Variants in COL20A1 observed in about 807,000 individuals in gnomAD.
The protein encoded by COL20A1 is collagen type XX alpha 1 chain, also known as collagen alpha-1(XX) chain.
A neutral mutation model predicts 152.9 loss-of-function variants in COL20A1; 164 were observed. The observed-to-expected ratio is 1.07, with a 90% CI of 0.94 to 1.22. The LOEUF (loss-of-function observed/expected upper bound fraction) is 1.22, where lower values mean the gene tolerates loss of function less well. COL20A1 is among the 50% of genes most tolerant of loss of function. The pLI is 0.00. For missense variants in COL20A1, 1,873 were observed against 1,744.8 expected (o/e 1.07, Z -1.31); for synonymous variants, 864 against 756.0 (o/e 1.14, Z -2.34).
intron 5 of COL20A1, 102 bp from the exon 6 acceptor site, chr20:63,307,388 G>T: frequency 8.6e-7 from 1 of 1,162,796 alleles, no homozygotes; most frequent in Non-Finnish European, 1.2e-6. Flanking sequence ...ACCTGGCCCA[G>T]CCTGCCTCAC....
chr20:63,312,778 T>G lies in COL20A1; in HGVS notation c.1934-14T>G, dbSNP rs868760401. On this transcript the variant is annotated splice_polypyrimidine_tract_variant and intron_variant, in intron 15 of 35. Transcript: ENST00000358894. ...AGGGGCTACACCCCCAGCCTGTGTC[T>G]CCACTTCCTTCAGAGAAAGCTCCCA... The G allele has an allele frequency of 6.5e-7, 1 of 1,537,066 alleles. No individual in the cohort carries two copies. Among genetic ancestry groups the G allele is most frequent in the Non-Finnish European group, 8.8e-7 (1 of 1,135,366 alleles).
Position 63,314,134 on chromosome 20 carries a change from C to G in COL20A1, c.2421C>G (p.Tyr807Ter). 1 of 1,609,522 alleles carries G rather than the reference C, an allele frequency of 6.2e-7. No homozygotes were observed. The highest frequency in any genetic ancestry group is 8.5e-7 in the Non-Finnish European group (1 of 1,178,316). ...CCGACCTGCAGGCAGCCACGAAGTACAGGGTCCTGGTCTCAGCTATCTATG... is the reference window on the plus strand; with the variant it reads ...CCGACCTGCAGGCAGCCACGAAGTAGAGGGTCCTGGTCTCAGCTATCTATG... ...TLPDLQAATK[Y>*]RVLVSAIYAA... Residue 807 changes from tyrosine (Y) to a stop codon, truncating the protein, a stop_gained, in exon 19 of 36, where the codon TAC becomes TAG. Transcript: ENST00000358894. LOFTEE classifies it high-confidence loss of function.
In COL20A1 at chr20:63,326,171, C is replaced by T. The variant is rs538493924; in HGVS notation, c.3456+22C>T. The T allele has an allele frequency of 5.6e-6, 9 of 1,593,992 alleles. No homozygotes were observed. The African/African-American group carries it at 6.7e-5, about 12-fold the overall frequency. ...CAGGGTAGGCACCGACCTCCCATGA[C>T]CCCGACCCCCACCCAGGGTTCCTGT... is the stretch of plus-strand genomic sequence containing the variant. On this transcript the variant is annotated intron_variant, in intron 30 of 35. Transcript: ENST00000358894.
intron 10 of COL20A1, 35 bp from the exon 11 acceptor site, chr20:63,310,346 C>G (rs367857090): frequency 5.6e-6 from 9 of 1,607,258 alleles, no homozygotes; most frequent in Non-Finnish European, 7.6e-6. Flanking sequence ...CCGGCACCCC[C>G]CTTCCTGGCT....
Position 63,333,090 on chromosome 20 carries a change from T to C in COL20A1, c.*2374T>C, listed in dbSNP as rs1008867309. 8 of 152,002 alleles carry C rather than the reference T, an allele frequency of 5.3e-5. No homozygotes were observed. The highest frequency in any genetic ancestry group is 8.8e-5 in the Non-Finnish European group (6 of 68,062). The allele number at this position is 152,002 out of a possible 1,614,324, so 9.4% of individuals were successfully genotyped here. On this transcript the variant is annotated 3_prime_UTR_variant, in exon 36 of 36. Transcript: ENST00000358894. ...GGCCAGAGCGCTGGGTTTCTGGCAA[T>C]GCCTCCCCTCCTGCCTTTACGGCCA... is the stretch of plus-strand genomic sequence containing the variant.
rs775020426 is a variant in COL20A1, at chr20:63,321,094, C to A, written c.3235C>A (p.Pro1079Thr). The part of the protein sequence containing the change: ...ETPGPPGPQG[P>T]PGLPGRNGTP... ...CCCTGGGCCCCCAGGACCTCAAGGA[C>A]CCCCAGTGAGTCCAGTGGCGTCTCC... The change falls in exon 26 of 36, where the codon CCC (proline) becomes ACC (threonine). Residue 1079 changes from proline (P) to threonine (T), a missense_variant. By Grantham distance (38) the Pro-to-Thr change is conservative (BLOSUM62 -1). Coordinates refer to ENST00000358894, the MANE Select transcript of COL20A1 (RefSeq NM_020882.4). The A allele has an allele frequency of 6.9e-6, 11 of 1,593,162 alleles. No individual in the cohort carries two copies. In the Admixed American group the frequency reaches 1.4e-4, roughly 20 times the overall value.
rs2068040556 is a variant in COL20A1, at chr20:63,313,303, G to A, written c.2209+54G>A. The A allele has an allele frequency of 6.4e-6, 10 of 1,556,126 alleles. No homozygotes were observed. In the South Asian group the frequency reaches 1.1e-4, roughly 17 times the overall value. On this transcript the variant is annotated intron_variant, in intron 17 of 35. Coordinates refer to ENST00000358894, the MANE Select transcript of COL20A1 (RefSeq NM_020882.4). The surrounding 1 kb of genome is among the most constrained non-coding windows in gnomAD (Gnocchi z 5.9). ...GGGTGTGGGGCAGGGATGGCCCAGGGGATCCCTGACTCACCCGCTGCACAG... is the reference window on the plus strand; with the variant it reads ...GGGTGTGGGGCAGGGATGGCCCAGGAGATCCCTGACTCACCCGCTGCACAG...
At position 63,311,681 on chromosome 20, in the gene COL20A1, T is replaced by C. The variant is rs773653805; in HGVS notation, c.1596T>C (p.Tyr532=). The C allele has an allele frequency of 1.9e-6, 3 of 1,608,000 alleles. No individual in the cohort carries two copies. In the East Asian group the frequency reaches 6.7e-5, roughly 36 times the overall value. ...LLDGLEPGRD[Y]EVSVQSLRGP... is the part of the protein sequence containing the mutation. ...ATGGCCTGGAACCTGGCAGGGACTA[T>C]GAGGTCTCGGTGCAGAGCCTGCGAG... The change falls in exon 13 of 36, where the codon TAT becomes TAC. Residue 532 remains tyrosine, a synonymous_variant. Coordinates refer to ENST00000358894, the MANE Select transcript of COL20A1 (RefSeq NM_020882.4). This position sits in a 1 kb window ranked among gnomAD's most constrained non-coding sequence, Gnocchi z 4.4.
At chr20:63,297,372 C>T (rs536687582) in intron 2 of COL20A1, among the ~76,000 whole-genome samples, 6 of 148,148 alleles carry the variant, frequency 4.1e-5, no homozygotes, top group African/African-American at 1.5e-4. Context: ...TCAGGGGACT[C>T]AGCTCAGGGG....
In COL20A1 at chr20:63,308,538, C is replaced by G; in HGVS notation, c.776-4C>G. 6.3e-7 allele frequency: 1 copy of G among 1,583,854 alleles called. No homozygotes were observed. Among genetic ancestry groups the G allele is most frequent in the South Asian group, 1.2e-5 (1 of 86,832 alleles). ...CCTGTCACTTTATTCCTGCTGCTCC[C>G]AAGGCCTTGCCCTGACCCACGTGCT... is the stretch of plus-strand genomic sequence containing the variant. On this transcript the variant is annotated splice_polypyrimidine_tract_variant and splice_region_variant and intron_variant, in intron 7 of 35. Transcript: ENST00000358894.
Position 63,309,483 on chromosome 20 carries a change from C to A in COL20A1, c.1091C>A (p.Pro364Gln). 6.6e-7 allele frequency: 1 copy of A among 1,522,566 alleles called. No homozygotes were observed. The highest frequency in any genetic ancestry group is 2.5e-5 in the East Asian group (1 of 39,940). 94.3% of individuals were successfully genotyped at this position (1,522,566 alleles called of 1,614,324 possible). A position where few individuals can be genotyped will look rare whatever the true frequency, so the allele number is the denominator to read the frequency against. The change falls in exon 9 of 36, where the codon CCG becomes CAG. Residue 364 changes from proline (P) to glutamine (Q), a missense_variant. Pro to Gln is a moderately conservative substitution (Grantham distance 76). Coordinates refer to ENST00000358894, the MANE Select transcript of COL20A1 (RefSeq NM_020882.4). ...LICQRLQGGS[P>Q]RQGPAAAPAL... ...TGCCAGAGGCTCCAGGGTGGGAGCCCGCGGCAGGGCCCAGGTGAGGGGCAG... is the reference window on the plus strand; with the variant it reads ...TGCCAGAGGCTCCAGGGTGGGAGCCAGCGGCAGGGCCCAGGTGAGGGGCAG...
Position 63,316,678 on chromosome 20 carries a change from A to G in COL20A1, c.2650A>G (p.Thr884Ala). The G allele has an allele frequency of 6.4e-7, 1 of 1,567,276 alleles. No individual in the cohort carries two copies. The highest frequency in any genetic ancestry group is 8.6e-7 in the Non-Finnish European group (1 of 1,157,336). Residue 884 changes from threonine to alanine, a missense_variant, in exon 21 of 36, where the codon ACA becomes GCA. Coordinates refer to ENST00000358894, the MANE Select transcript of COL20A1 (RefSeq NM_020882.4). ...TFTLFKDAQL[T>A]RRVSDVYPAP... ...CACGCTCTTCAAGGACGCCCAGCTG[A>G]CAAGACGGGTCAGGTGTGAGGGCAA...
chr20:63,293,479 G>A (rs570545336), intron 1 of COL20A1, among the ~76,000 whole-genome samples: 61 of 152,328 alleles, frequency 4.0e-4, no homozygotes, highest in African/African-American at 1.4e-3. Flanking sequence ...GGCTGCCTGA[G>A]CTCTCACCAA....
chr20:63,325,227 A>C (rs1240199971), intron 27 of COL20A1: 1 of 689,968 alleles, frequency 1.4e-6, no homozygotes, highest in Non-Finnish European at 2.7e-6. Flanking sequence ...AGGGGTGGCA[A>C]GCGTGACCTT....
chr20:63,318,697 C>G (rs1200041670), intron 21 of COL20A1, among the ~76,000 whole-genome samples: 1 of 152,148 alleles, frequency 6.6e-6, no homozygotes, highest in East Asian at 1.9e-4. Flanking sequence ...GGGATGTGAC[C>G]TGGGATGGCC....
At chr20:63,295,755 C>T (rs981844018) in intron 2 of COL20A1, among the ~76,000 whole-genome samples, 4 of 152,262 alleles carry the variant, frequency 2.6e-5, no homozygotes. Flanking sequence ...GTGGGCTCAC[C>T]TGTCTGAGCA....
rs376722969 is a variant in COL20A1 at position 63,305,932 on chromosome 20, G to A, written c.389G>A (p.Gly130Asp). The part of the protein sequence containing the change: ...SLDRSSQRPL[G>D]SGAPEPTPSH... ...GACAGGAGCAGCCAGAGGCCCCTCG[G>A]CTCTGGAGCCCCGGAGCCCACCCCC... Residue 130 changes from glycine (G) to aspartate (D), a missense_variant, in exon 5 of 36, where the codon GGC becomes GAC. Gly to Asp is a moderately conservative substitution (Grantham distance 94, BLOSUM62 -1). Transcript: ENST00000358894. This position sits in a 1 kb window ranked among gnomAD's most constrained non-coding sequence, Gnocchi z 4.9. 1.2e-5 allele frequency: 19 copies of A among 1,612,532 alleles called. No individual in the cohort carries two copies. The African/African-American group carries it at 1.9e-4, about 16-fold the overall frequency.
At chr20:63,301,917 TTATATC>T (rs1298019014) in intron 3 of COL20A1, among the ~76,000 whole-genome samples, 12 of 152,352 alleles carry the variant, frequency 7.9e-5, no homozygotes, top group Non-Finnish European at 1.3e-4. Context: ...ACATTTGAGT[TTATATC>T]TATAATCTTC....
In COL20A1 at chr20:63,307,252, C is replaced by T. The variant is rs528067825; in HGVS notation, c.497-238C>T. Among the ~76,000 whole-genome samples the T allele has an allele frequency of 3.9e-3, 597 of 152,334 alleles. 1 individual carries two copies. Among genetic ancestry groups the T allele is most frequent in the Non-Finnish European group, 6.4e-3 (435 of 68,012 alleles). On this transcript the variant is annotated intron_variant, in intron 5 of 35. Coordinates refer to ENST00000358894, the MANE Select transcript of COL20A1 (RefSeq NM_020882.4). The stretch of plus-strand genomic sequence containing the variant: ...GTCTGGGCGGGCAGCTGCATGCAGC[C>T]GTGGAGGGCAGAGGTGCCCGAGCAC...
Sources: gnomAD v4.1 joint callset for allele counts (sites outside exome capture counted in the v4.1 genomes callset) on GRCh38, gnomAD v4.1.1 for gene constraint, Gnocchi (gnomAD v3.1) non-coding constraint, MANE v1.5 for transcripts, NCBI Gene and HGNC (gene_info 2026-07-23, HGNC 2026-07-21) for gene names.